ROBO1: variants seen among roughly 807,000 people sequenced by gnomAD.
ROBO1 encodes the protein roundabout guidance receptor 1, also known as roundabout homolog 1.
Under a neutral mutation model 195.9 loss-of-function variants are expected in ROBO1, and 149 were observed. That is an observed-to-expected ratio of 0.76 (90% CI 0.67 to 0.87). ROBO1 has a LOEUF of 0.87. ROBO1 is among the 40% of genes least tolerant of loss of function. ROBO1 has a pLI of 0.00. For synonymous variants in ROBO1, 816 were observed against 733.2 expected, an observed-to-expected ratio of 1.11 and a Z score of -1.82; for missense variants, 1,933 against 2,068.3, an observed-to-expected ratio of 0.93 and a Z score of 1.27.
At chr3:79,554,396 T>A (rs982033789) in intron 2 of ROBO1, among the ~76,000 whole-genome samples, 1 of 152,104 alleles carries the variant, frequency 6.6e-6, no homozygotes, top group Admixed American at 6.6e-5. Context: ...CCACAAAAAA[T>A]AAAATATTAC....
Position 79,717,211 on chromosome 3 carries a change from TTG to T in ROBO1, c.-51+50539_-51+50540del, listed in dbSNP as rs199523336. 3.8e-3 allele frequency among the ~76,000 whole-genome samples: 579 copies of T among 151,312 alleles called. 5 individuals are homozygous for T. The highest frequency in any genetic ancestry group is 0.014 in the African/African-American group (558 of 40,870). On this transcript the variant is annotated intron_variant, in intron 1 of 30. Transcript: ENST00000464233. ...GTTTGAAATCTTCTCAATAAAGCTT[TTG>T]TTTTTCTGAATTTAGAGCTCAGAAT...
intron 1 of ROBO1, among the ~76,000 whole-genome samples, chr3:79,732,503 G>T (rs4856297): frequency 0.3 from 44,901 of 151,880 alleles, 6,701 homozygotes; most frequent in East Asian, 0.33. Context: ...AAATCTTGCT[G>T]TCTGTTCCCA....
chr3:78,731,610 A>T (rs2082288323), intron 5 of ROBO1, among the ~76,000 whole-genome samples: 1 of 152,174 alleles, frequency 6.6e-6, no homozygotes, highest in Non-Finnish European at 1.5e-5. Flanking sequence ...CAGAATTCTT[A>T]TGATTTCAGT....
At chr3:79,208,723 G>A (rs147093999) in intron 2 of ROBO1, among the ~76,000 whole-genome samples, 1,840 of 150,780 alleles carry the variant, frequency 0.012, 14 homozygotes, top group Non-Finnish European at 0.018. Context: ...GTGTGTGTGC[G>A]CCTGCATGCA....
At chr3:78,888,004 T>G (rs2036663644) in intron 4 of ROBO1, among the ~76,000 whole-genome samples, 1 of 152,154 alleles carries the variant, frequency 6.6e-6, no homozygotes, top group South Asian at 2.1e-4. Flanking sequence ...CTTAATCCTC[T>G]TGTCTCACGA....
chr3:79,702,586 C>T (rs1947650999), intron 1 of ROBO1, among the ~76,000 whole-genome samples: 1 of 151,726 alleles, frequency 6.6e-6, no homozygotes, highest in African/African-American at 2.4e-5. Flanking sequence ...TTCAATTAAC[C>T]TTCACACGAA....
intron 3 of ROBO1, among the ~76,000 whole-genome samples, chr3:79,032,950 T>C (rs1005229620): frequency 1.3e-5 from 2 of 152,082 alleles, no homozygotes; most frequent in African/African-American, 4.8e-5. Flanking sequence ...GTTCATTAAC[T>C]AGATGGGACC....
At chr3:79,558,324 TC>T (rs1942786992) in intron 2 of ROBO1, among the ~76,000 whole-genome samples, 1 of 152,184 alleles carries the variant, frequency 6.6e-6, no homozygotes, top group African/African-American at 2.4e-5. Context: ...CTTATGATAA[TC>T]CACTTACACT....
intron 4 of ROBO1, among the ~76,000 whole-genome samples, chr3:78,924,084 T>C (rs866091586): frequency 7.2e-5 from 11 of 152,004 alleles, no homozygotes; most frequent in African/African-American, 2.7e-4. Flanking sequence ...TAAGTATGTA[T>C]ACATACACAT....
At chr3:78,735,477 G>C (rs1039355864) in intron 5 of ROBO1, among the ~76,000 whole-genome samples, 6 of 152,082 alleles carry the variant, frequency 3.9e-5, no homozygotes, top group Admixed American at 3.9e-4. Flanking sequence ...TATTTAAATT[G>C]CTGCAATTTA....
chr3:79,250,617 T>C lies in ROBO1; in HGVS notation c.89-125078A>G, dbSNP rs552470479. 1.1e-4 allele frequency among the ~76,000 whole-genome samples: 16 copies of C among 152,160 alleles called. No homozygotes were observed. The South Asian group carries it at 3.3e-3, about 32-fold the overall frequency. Reference sequence around the variant, plus strand: ...GGATATCTTATAAAACAGTCTATACTGCCATAGCTTTTACACAATGATTAT... The same window carrying C: ...GGATATCTTATAAAACAGTCTATACCGCCATAGCTTTTACACAATGATTAT... On this transcript the variant is annotated intron_variant, in intron 2 of 30. Transcript: ENST00000464233.
chr3:79,051,408 A>G (rs1017250490), intron 3 of ROBO1, among the ~76,000 whole-genome samples: 2 of 152,166 alleles, frequency 1.3e-5, no homozygotes, highest in Admixed American at 6.6e-5. Context: ...ACTTTAGGCA[A>G]TAATTAATAG....
intron 2 of ROBO1, among the ~76,000 whole-genome samples, chr3:79,290,501 C>A (rs2032181368): frequency 6.6e-6 from 1 of 152,074 alleles, no homozygotes; most frequent in South Asian, 2.1e-4. Context: ...CTAGTATTTT[C>A]TTGGTTACTT....
At chr3:78,792,620 C>T (rs1437205204) in intron 4 of ROBO1, among the ~76,000 whole-genome samples, 2 of 152,158 alleles carry the variant, frequency 1.3e-5, no homozygotes, top group Non-Finnish European at 2.9e-5. Flanking sequence ...CGTACTCCAT[C>T]CAGGACAAAT....
intron 2 of ROBO1, among the ~76,000 whole-genome samples, chr3:79,263,260 T>C (rs2082973292): frequency 6.6e-6 from 1 of 152,126 alleles, no homozygotes; most frequent in South Asian, 2.1e-4. Flanking sequence ...TACTCATTTA[T>C]TTTCATCTTT....
At chr3:78,758,245 G>A (rs187924958) in intron 4 of ROBO1, among the ~76,000 whole-genome samples, 42 of 152,130 alleles carry the variant, frequency 2.8e-4, no homozygotes, top group African/African-American at 9.4e-4. Flanking sequence ...CCTCACTGGG[G>A]GCAGTGGCTC....
At chr3:79,264,261 A>G (rs2082993745) in intron 2 of ROBO1, among the ~76,000 whole-genome samples, 1 of 152,104 alleles carries the variant, frequency 6.6e-6, no homozygotes, top group Admixed American at 6.6e-5. Context: ...TCCTTTGCAC[A>G]TGTGGTTCTT....
intron 9 of ROBO1, among the ~76,000 whole-genome samples, chr3:78,687,609 A>G (rs545017773): frequency 6.6e-6 from 1 of 152,274 alleles, no homozygotes; most frequent in South Asian, 2.1e-4. Flanking sequence ...CATATCAGAA[A>G]CAAGGGAAAC....
chr3:79,019,636 G>A (rs1357650901), intron 3 of ROBO1, among the ~76,000 whole-genome samples: 1 of 152,032 alleles, frequency 6.6e-6, no homozygotes, highest in East Asian at 1.9e-4. Context: ...GTGCCCAACT[G>A]CGCCCTCAGG....
Sources: gnomAD v4.1 joint callset for allele counts (sites outside exome capture counted in the v4.1 genomes callset) on GRCh38, gnomAD v4.1.1 for gene constraint, MANE v1.5 for transcripts, NCBI Gene and HGNC (gene_info 2026-07-23, HGNC 2026-07-21) for gene names.